Variants in STAG2 observed in about 807,000 individuals in gnomAD.
STAG2 encodes STAG2 cohesin complex component, also known as cohesin subunit SA-2.
Under a neutral mutation model 108.1 loss-of-function variants are expected in STAG2, and 14 were observed. The ratio of observed to expected loss-of-function variants is 0.13; its 90% CI spans 0.09 to 0.20. The LOEUF (loss-of-function observed/expected upper bound fraction) is 0.20, where lower values mean the gene tolerates loss of function less well. Among genes scored for constraint, STAG2 ranks in the 10% least tolerant of loss-of-function variants. STAG2 has a pLI of 1.00. For synonymous variants in STAG2, 307 were observed against 302.7 expected (o/e 1.01, Z -0.15); for missense variants, 440 against 940.9 (o/e 0.47, Z 6.96).
chrX:124,078,182 A>G (rs775356900), intron 27 of STAG2, 124 bp downstream of exon 27: 4 of 466,679 alleles, frequency 8.6e-6, no homozygotes, highest in East Asian at 4.3e-5. Context: ...AATACAAGAA[A>G]GTATAAGTGA....
chrX:123,973,040 C>A (rs1472531131), intron 1 of STAG2, among the ~76,000 whole-genome samples: 1 of 105,368 alleles, frequency 9.5e-6, no homozygotes, highest in Non-Finnish European at 1.9e-5. Flanking sequence ...TAGAGTGAGA[C>A]CCCCACTCAA....
At chrX:124,083,137 G>A (rs952556797) in intron 28 of STAG2, among the ~76,000 whole-genome samples, 18 of 111,646 alleles carry the variant, frequency 1.6e-4, no homozygotes, top group African/African-American at 5.5e-4. Context: ...ATGGAAAAAA[G>A]TACTGATTAA....
chrX:124,021,808 T>A, intron 2 of STAG2, among the ~76,000 whole-genome samples: 1 of 110,749 alleles, frequency 9.0e-6, no homozygotes, highest in Non-Finnish European at 1.9e-5. Flanking sequence ...ATATCTTAGG[T>A]TTTTTTTATT....
intron 1 of STAG2, among the ~76,000 whole-genome samples, chrX:123,978,154 C>CTTTT (rs778721456): frequency 2.5e-5 from 2 of 81,043 alleles, no homozygotes; most frequent in Non-Finnish European, 4.8e-5. Flanking sequence ...CTACTGAGTT[C>CTTTT]TTTTTTTTTT....
At position 124,047,338 on chromosome X, in the gene STAG2, T is replaced by G. The variant is rs1440493814; in HGVS notation, c.668-16T>G. On this transcript the variant is annotated splice_polypyrimidine_tract_variant and intron_variant, in intron 8 of 34. Transcript: ENST00000371145. Reference sequence around the variant, plus strand: ...TGTTAGATTAGTTTCACCATACTTTTACTCTTTAAAAATAGCTATGAAGTT... The same window carrying G: ...TGTTAGATTAGTTTCACCATACTTTGACTCTTTAAAAATAGCTATGAAGTT... The G allele has an allele frequency of 8.5e-7, 1 of 1,173,462 alleles. No homozygotes were observed. The highest frequency in any genetic ancestry group is 1.1e-6 in the Non-Finnish European group (1 of 878,499).
chrX:124,011,951 C>A (rs1465537480), intron 1 of STAG2, among the ~76,000 whole-genome samples: 2 of 111,750 alleles, frequency 1.8e-5, no homozygotes, highest in African/African-American at 6.5e-5. Context: ...AATATTCAAA[C>A]CATAGCAGGT....
At chrX:124,057,660 G>A (rs1194720624) in intron 14 of STAG2, among the ~76,000 whole-genome samples, 1 of 111,612 alleles carries the variant, frequency 9.0e-6, no homozygotes, top group Admixed American at 9.5e-5. Context: ...TAGTTTAAAA[G>A]GACTTAGAAT....
chrX:124,023,016 A>G (rs2056981940), intron 3 of STAG2, among the ~76,000 whole-genome samples: 1 of 112,592 alleles, frequency 8.9e-6, no homozygotes, highest in Non-Finnish European at 1.9e-5. Context: ...GAGGTATACC[A>G]TGTGGCACTA....
chrX:123,962,722 GTTAGAT>G (rs1175144104), intron 1 of STAG2, among the ~76,000 whole-genome samples: 2 of 111,552 alleles, frequency 1.8e-5, no homozygotes, highest in African/African-American at 6.5e-5. Context: ...GATCTGTAAG[GTTAGAT>G]TTAAAGTAAA....
intron 13 of STAG2, 107 bp downstream of exon 13, chrX:124,051,501 C>T (rs1413927842): frequency 6.2e-6 from 3 of 484,802 alleles, no homozygotes; most frequent in Non-Finnish European, 9.7e-6. Context: ...TAGCTTACGT[C>T]ATGGAGGTTT....
intron 1 of STAG2, chrX:124,003,816 T>C (rs2056168074): frequency 8.9e-6 from 1 of 112,157 alleles, no homozygotes; most frequent in African/African-American, 3.2e-5. Flanking sequence ...TTAGTAACTA[T>C]AATGATAACA....
At chrX:123,989,179 T>A (rs1254662695) in intron 1 of STAG2, among the ~76,000 whole-genome samples, 1 of 111,976 alleles carries the variant, frequency 8.9e-6, no homozygotes, top group African/African-American at 3.2e-5. Flanking sequence ...TTTGACTGTT[T>A]AGAGCATACT....
chrX:124,018,362 G>T (rs1400725824), intron 1 of STAG2, among the ~76,000 whole-genome samples: 3 of 111,682 alleles, frequency 2.7e-5, no homozygotes, highest in Non-Finnish European at 3.8e-5. Context: ...TTATAGTTTT[G>T]GGTTACCCAG....
At chrX:124,088,183 T>TC (rs1491221934) in intron 30 of STAG2, among the ~76,000 whole-genome samples, 1 of 108,216 alleles carries the variant, frequency 9.2e-6, no homozygotes, top group Non-Finnish European at 1.9e-5. Flanking sequence ...TCTCTCTCTC[T>TC]TTTTTTTTAG....
At chrX:124,042,359 C>A (rs1046025609) in intron 6 of STAG2, among the ~76,000 whole-genome samples, 3 of 111,810 alleles carry the variant, frequency 2.7e-5, no homozygotes, top group Admixed American at 9.5e-5. Context: ...AAGTATGGGG[C>A]TGTTTTCTTG....
At chrX:124,057,784 A>G (rs1445619421) in intron 14 of STAG2, 82 bp from the exon 15 acceptor site, 1 of 584,458 alleles carries the variant, frequency 1.7e-6, no homozygotes, top group Non-Finnish European at 2.5e-6. Flanking sequence ...ATCCTTAGAT[A>G]TGAAATTGAA....
intron 27 of STAG2, among the ~76,000 whole-genome samples, chrX:124,079,707 A>G (rs186432436): frequency 2.3e-3 from 260 of 112,790 alleles, no homozygotes; most frequent in Middle Eastern, 4.6e-3. Flanking sequence ...AATAGCTGCT[A>G]GCTGTACTGT....
Position 124,051,129 on chromosome X carries a change from A to G in STAG2, c.1026A>G (p.Glu342=). The change falls in exon 12 of 35, where the codon GAA becomes GAG. Residue 342 remains glutamate, a synonymous_variant. Coordinates refer to ENST00000371145, the MANE Select transcript of STAG2 (RefSeq NM_001042750.2). ...VGWTMHDKQG[E]VRLKCLTALQ... is the part of the protein sequence containing the mutation. ...TTTTTTTTTTTTTTTAGCAAGGTGAAGTAAGACTCAAATGTCTTACTGCTC... is the reference window on the plus strand; with the variant it reads ...TTTTTTTTTTTTTTTAGCAAGGTGAGGTAAGACTCAAATGTCTTACTGCTC... The G allele has an allele frequency of 9.9e-7, 1 of 1,007,517 alleles. No homozygotes were observed. Among genetic ancestry groups the G allele is most frequent in the South Asian group, 2.5e-5 (1 of 39,939 alleles). 83.0% of individuals were successfully genotyped at this position (1,007,517 alleles called of 1,213,427 possible). A position where few individuals can be genotyped will look rare whatever the true frequency, so the allele number is the denominator to read the frequency against.
At position 124,055,464 on chromosome X, in the gene STAG2, A is replaced by G. The variant is rs763855261; in HGVS notation, c.1197-664A>G. On this transcript the variant is annotated intron_variant, in intron 13 of 34. Transcript: ENST00000371145. ...GCAAGGGAAGAATGCAACAGCGTTT[A>G]CCCTGGGGTACTGTGGTTGATGGGC... Among the ~76,000 whole-genome samples, 158 of 112,953 alleles carry G rather than the reference A, an allele frequency of 1.4e-3. 1 individual carries two copies. Among genetic ancestry groups the G allele is most frequent in the African/African-American group, 4.8e-3 (149 of 31,182 alleles).
Sources: gnomAD v4.1 joint callset for allele counts (sites outside exome capture counted in the v4.1 genomes callset) on GRCh38, gnomAD v4.1.1 for gene constraint, MANE v1.5 for transcripts, NCBI Gene and HGNC (gene_info 2026-07-23, HGNC 2026-07-21) for gene names.